Variants in RAB11B observed in about 807,000 individuals in gnomAD.
RAB11B encodes RAB11B, member RAS oncogene family.
In RAB11B, 7 loss-of-function variants were observed where a neutral mutation model predicts 23.7. The ratio of observed to expected loss-of-function variants is 0.29; its 90% CI spans 0.17 to 0.55. The LOEUF (loss-of-function observed/expected upper bound fraction) is 0.55, where lower values mean the gene tolerates loss of function less well. Ranked by LOEUF, RAB11B falls within the 20% of genes least tolerant of loss-of-function variation. RAB11B has a pLI of 0.93. For missense variants in RAB11B, 189 were observed against 320.0 expected (o/e 0.59, Z 3.12); for synonymous variants, 138 against 132.0 (o/e 1.05, Z -0.31).
Position 8,390,580 on chromosome 19 carries a change from G to A in RAB11B, c.40+124G>A, listed in dbSNP as rs1019489617. 6.3e-6 allele frequency: 7 copies of A among 1,111,180 alleles called. No homozygotes were observed. The African/African-American group carries it at 8.2e-5, about 13-fold the overall frequency. 68.8% of individuals were successfully genotyped at this position (1,111,180 alleles called of 1,614,324 possible). ...CCGGGGCTTGGGGCCCGGCGGGTCA[G>A]GCAGCCGGGAAGGCCGGAGCCGACC... On this transcript the variant is annotated intron_variant, in intron 1 of 4. Coordinates refer to ENST00000328024, the MANE Select transcript of RAB11B (RefSeq NM_004218.4).
In RAB11B at chr19:8,402,264, G is replaced by A; in HGVS notation, c.415G>A (p.Ala139Thr). 1 of 1,558,266 alleles carries A rather than the reference G, an allele frequency of 6.4e-7. No individual in the cohort carries two copies. The highest frequency in any genetic ancestry group is 8.7e-7 in the Non-Finnish European group (1 of 1,151,554). Reference protein sequence around the residue: ...RHLRAVPTDEARAFAEKNNLS... With the variant: ...RHLRAVPTDETRAFAEKNNLS... Reference sequence around the variant, plus strand: ...CCTGCGGGCTGTGCCCACTGACGAGGCCCGCGCCTTCGCAGGTGAGCAGAC... The same window carrying A: ...CCTGCGGGCTGTGCCCACTGACGAGACCCGCGCCTTCGCAGGTGAGCAGAC... Residue 139 changes from alanine (A) to threonine (T), a missense_variant, in exon 3 of 5, where the codon GCC (alanine) becomes ACC (threonine). Ala to Thr is a moderately conservative substitution (Grantham distance 58). Coordinates refer to ENST00000328024, the MANE Select transcript of RAB11B (RefSeq NM_004218.4).
chr19:8,401,511 C>T (rs999130719), intron 2 of RAB11B, among the ~76,000 whole-genome samples: 25 of 151,674 alleles, frequency 1.6e-4, no homozygotes, highest in Non-Finnish European at 1.3e-4. Context: ...CTTAGCCTCC[C>T]GAGTAGCTGG....
At chr19:8,392,567 C>T (rs1971364685) in intron 1 of RAB11B, among the ~76,000 whole-genome samples, 1 of 152,032 alleles carries the variant, frequency 6.6e-6, no homozygotes. Context: ...TAGCAAAAAT[C>T]TAACCCACAA....
intron 1 of RAB11B, among the ~76,000 whole-genome samples, chr19:8,395,504 C>A (rs771406394): frequency 6.6e-6 from 1 of 152,150 alleles, no homozygotes; most frequent in Non-Finnish European, 1.5e-5. Context: ...CTGCCTCGGC[C>A]TCCCCAAGTG....
intron 1 of RAB11B, among the ~76,000 whole-genome samples, chr19:8,394,666 C>T (rs573888742): frequency 9.2e-5 from 14 of 152,242 alleles, no homozygotes; most frequent in African/African-American, 3.1e-4. Context: ...TGCCATGGCT[C>T]ACGCCTGGAA....
chr19:8,398,613 C>G (rs1419978408), intron 1 of RAB11B, among the ~76,000 whole-genome samples: 1 of 152,220 alleles, frequency 6.6e-6, no homozygotes, highest in African/African-American at 2.4e-5. Flanking sequence ...ACTCAGCCAT[C>G]TGTGCCGAAG....
chr19:8,398,555 C>T (rs929195384), intron 1 of RAB11B, among the ~76,000 whole-genome samples: 6 of 152,202 alleles, frequency 3.9e-5, no homozygotes, highest in Non-Finnish European at 7.3e-5. Flanking sequence ...GAGGTGGCTG[C>T]AGGCTCTTTC....
chr19:8,394,483 G>T (rs547986767), intron 1 of RAB11B, among the ~76,000 whole-genome samples: 7 of 152,210 alleles, frequency 4.6e-5, no homozygotes, highest in Non-Finnish European at 7.3e-5. Flanking sequence ...TGGCCATTTG[G>T]CCTTTGCTCT....
chr19:8,401,544 G>T (rs1443015519), intron 2 of RAB11B, among the ~76,000 whole-genome samples: 1 of 150,548 alleles, frequency 6.6e-6, no homozygotes, highest in East Asian at 2.0e-4. Context: ...CTGCCACCAC[G>T]CCTGGCTAAT....
intron 1 of RAB11B, among the ~76,000 whole-genome samples, chr19:8,394,611 C>G (rs543741949): frequency 3.1e-4 from 47 of 152,298 alleles, no homozygotes; most frequent in African/African-American, 1.0e-3. Context: ...GCACTGGGGA[C>G]CCAGCCTGGC....
Position 8,390,463 on chromosome 19 carries a change from C to T in RAB11B, c.40+7C>T, listed in dbSNP as rs565286209. The T allele has an allele frequency of 4.1e-4, 617 of 1,506,152 alleles. 9 individuals are homozygous for T. In the South Asian group the frequency reaches 7.3e-3, roughly 18 times the overall value. The allele number at this position is 1,506,152 out of a possible 1,614,324, so 93.3% of individuals were successfully genotyped here. On this transcript the variant is annotated splice_region_variant and intron_variant, in intron 1 of 4. Coordinates refer to ENST00000328024, the MANE Select transcript of RAB11B (RefSeq NM_004218.4). ...TACGACTACCTATTCAAAGGTGCGGCCGGTGGGGCACAGACGGGCGAAGTC... is the reference window on the plus strand; with the variant it reads ...TACGACTACCTATTCAAAGGTGCGGTCGGTGGGGCACAGACGGGCGAAGTC...
In RAB11B at chr19:8,403,967, G is replaced by A. The variant is rs1971459759; in HGVS notation, c.*409G>A. ...TCGTCCCCACCCAGAACCGTGCTCT[G>A]GGCCAAAGCCCGAAGAACCAGGCAG... is the stretch of plus-strand genomic sequence containing the variant. On this transcript the variant is annotated 3_prime_UTR_variant, in exon 5 of 5. Transcript: ENST00000328024. 1 of 166,902 alleles carries A rather than the reference G, an allele frequency of 6.0e-6. No homozygotes were observed. Among genetic ancestry groups the A allele is most frequent in the African/African-American group, 2.4e-5 (1 of 41,832 alleles). The allele number at this position is 166,902 out of a possible 1,614,324, so 10.3% of individuals were successfully genotyped here.
chr19:8,402,310 G>T, intron 3 of RAB11B, 31 bp downstream of exon 3: 1 of 1,540,590 alleles, frequency 6.5e-7, no homozygotes. Flanking sequence ...GCATCAGAGA[G>T]GTGTCTGGAA....
At chr19:8,395,178 C>T (rs114453661) in intron 1 of RAB11B, among the ~76,000 whole-genome samples, 1,535 of 152,224 alleles carry the variant, frequency 0.01, 36 homozygotes, top group African/African-American at 0.035. Context: ...CATCTTGGCC[C>T]CCAGTGGCCT....
chr19:8,402,400 C>T, intron 3 of RAB11B, 85 bp from the exon 4 acceptor site: 1 of 1,557,304 alleles, frequency 6.4e-7, no homozygotes, highest in Non-Finnish European at 8.8e-7. Flanking sequence ...TGGGATGGGC[C>T]AGGTGGGTGG....
intron 1 of RAB11B, among the ~76,000 whole-genome samples, chr19:8,394,464 T>G (rs1340313033): frequency 6.6e-6 from 1 of 152,218 alleles, no homozygotes; most frequent in Non-Finnish European, 1.5e-5. Flanking sequence ...CTGTCATTGA[T>G]CTGTTCAGTG....
At chr19:8,402,442 C>A in intron 3 of RAB11B, 43 bp from the exon 4 acceptor site, 1 of 1,579,742 alleles carries the variant, frequency 6.3e-7, no homozygotes, top group South Asian at 1.1e-5. Context: ...GGGAGCCTGT[C>A]ACCCTGCCTC....
rs182133113 is a variant in RAB11B, at chr19:8,403,754, G to T, written c.*196G>T. 40 of 753,220 alleles carry T rather than the reference G, an allele frequency of 5.3e-5. No homozygotes were observed. The African/African-American group carries it at 5.4e-4, about 10-fold the overall frequency. The allele number at this position is 753,220 out of a possible 1,614,324, so 46.7% of individuals were successfully genotyped here. On this transcript the variant is annotated 3_prime_UTR_variant, in exon 5 of 5. Transcript: ENST00000328024. ...TGCCCGGGGAAAAGCTAGAAGCCCC[G>T]GTTTGCTGCACCCATGAAACTCGGG...
chr19:8,400,806 A>C (rs1971431478), intron 2 of RAB11B, among the ~76,000 whole-genome samples: 1 of 151,944 alleles, frequency 6.6e-6, no homozygotes, highest in South Asian at 2.1e-4. Context: ...GGCTGGTCTC[A>C]AACTCCCGCC....
Sources: gnomAD v4.1 joint callset for allele counts (sites outside exome capture counted in the v4.1 genomes callset) on GRCh38, gnomAD v4.1.1 for gene constraint, MANE v1.5 for transcripts, NCBI Gene and HGNC (gene_info 2026-07-23, HGNC 2026-07-21) for gene names.